The following PIEZO1 variants were observed in gnomAD, a reference collection of about 807,000 sequenced individuals.
PIEZO1 encodes the protein piezo type mechanosensitive ion channel component 1 (Er blood group).
Under a neutral mutation model 297.2 loss-of-function variants are expected in PIEZO1, and 296 were observed. The observed-to-expected ratio is 1.00, with a 90% confidence interval of 0.91 to 1.10. The LOEUF (loss-of-function observed/expected upper bound fraction) is 1.10, where lower values mean the gene tolerates loss of function less well. PIEZO1 is among the 50% of genes least tolerant of loss of function. PIEZO1 has a pLI of 0.00. For missense variants in PIEZO1, 5,018 were observed against 3,455.5 expected (o/e 1.45, Z -11.34); for synonymous variants, 2,427 against 1,507.5 (o/e 1.61, Z -14.13).
In PIEZO1 at chr16:88,715,812, C is replaced by T. The variant is rs764668729; in HGVS notation, c.7359G>A (p.Lys2453=). The T allele has an allele frequency of 2.6e-6, 4 of 1,550,196 alleles. No homozygotes were observed. Among genetic ancestry groups the T allele is most frequent in the Admixed American group, 2.0e-5 (1 of 50,988 alleles). Reference sequence around the variant, plus strand: ...TCTCGCTGAAGAATCCGCGCACGAACTTGCCGATGACCAGCACGATGGACA... The same window carrying T: ...TCTCGCTGAAGAATCCGCGCACGAATTTGCCGATGACCAGCACGATGGACA... ...LYVSIVLVIG[K]FVRGFFSEIS... is the part of the protein sequence containing the mutation. Residue 2453 remains lysine (K), a synonymous_variant, in exon 51 of 51, where the codon AAG becomes AAA. Coordinates refer to ENST00000301015, the MANE Select transcript of PIEZO1 (RefSeq NM_001142864.4).
chr16:88,747,743 CA>C (rs1185056312), intron 2 of PIEZO1, among the ~76,000 whole-genome samples: 3 of 152,178 alleles, frequency 2.0e-5, no homozygotes, highest in Non-Finnish European at 4.4e-5. Flanking sequence ...GGGGGCTGCC[CA>C]ACAGCTGACC....
At chr16:88,762,615 A>C (rs1906984192) in intron 1 of PIEZO1, among the ~76,000 whole-genome samples, 1 of 152,182 alleles carries the variant, frequency 6.6e-6, no homozygotes, top group Admixed American at 6.5e-5. Flanking sequence ...CGTGGCAGCC[A>C]AGGCAAGGAA....
chr16:88,732,307 C>G, intron 21 of PIEZO1, 28 bp downstream of exon 21: 1 of 1,533,816 alleles, frequency 6.5e-7, no homozygotes, highest in Non-Finnish European at 8.8e-7. Context: ...AAGCCCTGCC[C>G]CAGGGGGAGG....
Position 88,733,653 on chromosome 16 carries a change from G to C in PIEZO1, c.2422C>G (p.Arg808Gly). ...VLSRVQVFLR[R>G]LLELHVFKLV... ...TTGAAAACGTGAAGCTCCAGCAGCC[G>C]CCGCAGGAACACCTGCACGCGTGAG... The change falls in exon 18 of 51, where the codon CGG (arginine) becomes GGG (glycine). Residue 808 changes from arginine to glycine, a missense_variant. Physicochemically the swap from Arg to Gly is moderately radical, Grantham distance 125. Coordinates refer to ENST00000301015, the MANE Select transcript of PIEZO1 (RefSeq NM_001142864.4). The C allele has an allele frequency of 6.5e-7, 1 of 1,549,746 alleles. No individual in the cohort carries two copies. Among genetic ancestry groups the C allele is most frequent in the Non-Finnish European group, 8.7e-7 (1 of 1,146,546 alleles).
intron 1 of PIEZO1, among the ~76,000 whole-genome samples, chr16:88,765,705 C>T (rs113974433): frequency 0.31 from 46,143 of 146,748 alleles, 7,991 homozygotes; most frequent in East Asian, 0.43. Flanking sequence ...GAGTCTCACT[C>T]TGTCGCCCGC....
intron 1 of PIEZO1, among the ~76,000 whole-genome samples, chr16:88,776,491 C>T (rs1907672169): frequency 6.6e-6 from 1 of 150,826 alleles, no homozygotes; most frequent in African/African-American, 2.4e-5. Context: ...CAGGGCATTG[C>T]CCGGGGCCCA....
intron 1 of PIEZO1, among the ~76,000 whole-genome samples, chr16:88,777,563 C>A (rs867324917): frequency 2.0e-5 from 3 of 152,202 alleles, no homozygotes; most frequent in African/African-American, 7.2e-5. Context: ...AAAAGTAAAT[C>A]CCCGCTGAGG....
chr16:88,723,957 C>T lies in PIEZO1; in HGVS notation c.4249G>A (p.Asp1417Asn). 2 of 1,546,682 alleles carry T rather than the reference C, an allele frequency of 1.3e-6. No homozygotes were observed. Among genetic ancestry groups the T allele is most frequent in the Non-Finnish European group, 1.7e-6 (2 of 1,143,480 alleles). ...CTGTCGGACTCAAACAGGAAGTAGT[C>T]CCCGGAGTGGATGACTGTGGGCAGG... ...LDHATVIHSG[D>N]YFLFESDSEE... is the part of the protein sequence containing the mutation. Residue 1417 changes from aspartate (D) to asparagine (N), a missense_variant, in exon 31 of 51, where the codon GAC becomes AAC. Asp to Asn is a conservative substitution (Grantham distance 23, BLOSUM62 1). Coordinates refer to ENST00000301015, the MANE Select transcript of PIEZO1 (RefSeq NM_001142864.4).
chr16:88,746,047 T>G (rs889788732), intron 2 of PIEZO1, among the ~76,000 whole-genome samples: 1 of 150,306 alleles, frequency 6.7e-6, no homozygotes, highest in South Asian at 2.1e-4. Context: ...ATCCGTGGGG[T>G]GTGCATGGGA....
intron 30 of PIEZO1, 86 bp downstream of exon 30, chr16:88,724,923 G>A (rs927556405): frequency 5.9e-6 from 5 of 850,392 alleles, no homozygotes; most frequent in African/African-American, 1.8e-5. Context: ...CGGGGGAAGG[G>A]AGGGGAAGAT....
chr16:88,723,295 C>T lies in PIEZO1; in HGVS notation c.4369G>A (p.Ala1457Thr). The change falls in exon 32 of 51, where the codon GCG (alanine) becomes ACG (threonine). Residue 1457 changes from alanine to threonine, a missense_variant. Coordinates refer to ENST00000301015, the MANE Select transcript of PIEZO1 (RefSeq NM_001142864.4). ...TCCTGCTGCCGCCGCCTCAGCACCG[C>T]CTGGGCGTTGGTCACCCATGCCTGG... ...AYQAWVTNAQ[A>T]VLRRRQQEQE... 2 of 1,540,286 alleles carry T rather than the reference C, an allele frequency of 1.3e-6. No individual in the cohort carries two copies. Among genetic ancestry groups the T allele is most frequent in the Non-Finnish European group, 1.7e-6 (2 of 1,146,766 alleles).
intron 49 of PIEZO1, 30 bp downstream of exon 49, chr16:88,716,168 G>A (rs1381338618): frequency 6.6e-7 from 1 of 1,518,074 alleles, no homozygotes; most frequent in Non-Finnish European, 8.9e-7. Flanking sequence ...CCCCTCTCTA[G>A]CCTCCCCCAA....
At chr16:88,769,680 C>G (rs898035790) in intron 1 of PIEZO1, among the ~76,000 whole-genome samples, 3 of 151,520 alleles carry the variant, frequency 2.0e-5, no homozygotes, top group African/African-American at 7.3e-5. Context: ...GAGAGGACCC[C>G]GGGCCTGGCT....
chr16:88,718,985 T>C (rs2142757244), intron 44 of PIEZO1: 1 of 155,922 alleles, frequency 6.4e-6, no homozygotes, highest in East Asian at 1.9e-4. Flanking sequence ...GCTGGGACCA[T>C]AGGCATGAGC....
chr16:88,770,243 G>A (rs995851016), intron 1 of PIEZO1, among the ~76,000 whole-genome samples: 37 of 152,176 alleles, frequency 2.4e-4, no homozygotes, highest in African/African-American at 6.8e-4. Context: ...CCTGGCAGGC[G>A]GCTCCCAGGA....
chr16:88,731,451 T>G, intron 22 of PIEZO1: 4 of 502,476 alleles, frequency 8.0e-6, no homozygotes, highest in South Asian at 5.3e-5. Flanking sequence ...TCCTGAAGGT[T>G]TGAAATATTT....
intron 22 of PIEZO1, among the ~76,000 whole-genome samples, chr16:88,730,783 T>G (rs903324880): frequency 6.6e-6 from 1 of 152,078 alleles, no homozygotes; most frequent in Non-Finnish European, 1.5e-5. Context: ...CAGGACCCAC[T>G]CAGCAGAGGG....
At chr16:88,757,760 C>T (rs373029899) in intron 1 of PIEZO1, among the ~76,000 whole-genome samples, 1 of 152,116 alleles carries the variant, frequency 6.6e-6, no homozygotes, top group Non-Finnish European at 1.5e-5. Flanking sequence ...TTGGGTCCTC[C>T]CAACAACCTA....
At chr16:88,772,089 G>A (rs1173815462) in intron 1 of PIEZO1, among the ~76,000 whole-genome samples, 2 of 147,006 alleles carry the variant, frequency 1.4e-5, no homozygotes, top group East Asian at 2.1e-4. Flanking sequence ...CTGTCCACCC[G>A]CGGCCCCAGG....
Sources: allele counts gnomAD v4.1 joint callset (sites outside exome capture counted in the v4.1 genomes callset), GRCh38; gene constraint gnomAD v4.1.1; transcripts MANE v1.5; gene names NCBI Gene and HGNC (gene_info 2026-07-23, HGNC 2026-07-21).